Variants in UBAC2 observed in about 807,000 individuals in gnomAD.
The protein encoded by UBAC2 is UBA domain containing 2.
A neutral mutation model predicts 44.0 loss-of-function variants in UBAC2; 26 were observed. The ratio of observed to expected loss-of-function variants is 0.59; its 90% CI spans 0.43 to 0.82. The LOEUF (loss-of-function observed/expected upper bound fraction) is 0.82, where lower values mean the gene tolerates loss of function less well. Ranked by LOEUF, UBAC2 falls within the 40% of genes least tolerant of loss-of-function variation. The probability of loss-of-function intolerance (pLI) is 0.00; values close to 1 mark genes in which losing one functional copy is unlikely to be tolerated. For missense variants in UBAC2, 329 were observed against 419.4 expected, an observed-to-expected ratio of 0.78 and a Z score of 1.88; for synonymous variants, 155 against 154.3, an observed-to-expected ratio of 1.00 and a Z score of -0.04.
rs781773234 is a variant in UBAC2 at position 99,295,337 on chromosome 13, T to A, written c.390-18760T>A. ...CAGGAAATTAGAGAAACGAAGCTTC[T>A]TAATCATATGTTGAATAATTGCAAC... On this transcript the variant is annotated intron_variant, in intron 4 of 8. Transcript: ENST00000403766. This position sits in a 1 kb window ranked among gnomAD's most constrained non-coding sequence, Gnocchi z 4.1. 1.2e-6 allele frequency: 2 copies of A among 1,614,040 alleles called. No homozygotes were observed. The highest frequency in any genetic ancestry group is 1.7e-6 in the Non-Finnish European group (2 of 1,180,018).
At chr13:99,331,632 G>A (rs2044717485) in intron 6 of UBAC2, among the ~76,000 whole-genome samples, 1 of 152,192 alleles carries the variant, frequency 6.6e-6, no homozygotes, top group Non-Finnish European at 1.5e-5. Context: ...AAGTCTCAGA[G>A]TAACTGCCAA....
intron 4 of UBAC2, among the ~76,000 whole-genome samples, chr13:99,250,767 G>T (rs1189642166): frequency 6.6e-6 from 1 of 150,648 alleles, no homozygotes; most frequent in East Asian, 1.9e-4. Flanking sequence ...TTTTTTTTGA[G>T]ACGGAGTCTC....
chr13:99,352,871 C>A (rs533620821), intron 7 of UBAC2, among the ~76,000 whole-genome samples: 2 of 152,342 alleles, frequency 1.3e-5, no homozygotes, highest in African/African-American at 4.8e-5. Flanking sequence ...CGGAAACTCT[C>A]TACCTCCGTC....
chr13:99,357,234 T>G (rs982435769), intron 7 of UBAC2, among the ~76,000 whole-genome samples: 3 of 152,178 alleles, frequency 2.0e-5, no homozygotes, highest in African/African-American at 4.8e-5. Context: ...CCAAGCAGCC[T>G]TGGTGTGTAG....
chr13:99,357,929 A>G (rs1264966479), intron 7 of UBAC2, among the ~76,000 whole-genome samples: 1 of 152,202 alleles, frequency 6.6e-6, no homozygotes, highest in Non-Finnish European at 1.5e-5. Flanking sequence ...GAGTGCTTGC[A>G]TATGCCAGGT....
Position 99,340,306 on chromosome 13 carries a change from C to A in UBAC2, c.562-14C>A. On this transcript the variant is annotated splice_polypyrimidine_tract_variant and intron_variant, in intron 6 of 8. Coordinates refer to ENST00000403766, the MANE Select transcript of UBAC2 (RefSeq NM_001144072.2). The stretch of plus-strand genomic sequence containing the variant: ...ACTACATTTAAACAATCACATTGGA[C>A]GTTTTTCTTCTAGATGTCCGGTCTG... 1 of 1,611,626 alleles carries A rather than the reference C, an allele frequency of 6.2e-7. No individual in the cohort carries two copies. Among genetic ancestry groups the A allele is most frequent in the Non-Finnish European group, 8.5e-7 (1 of 1,178,286 alleles).
In UBAC2 at chr13:99,239,008, G is replaced by T. The variant is rs368169438; in HGVS notation, c.159+454G>T. Among the ~76,000 whole-genome samples the T allele has an allele frequency of 2.0e-5, 3 of 152,194 alleles. No individual in the cohort carries two copies. In the East Asian group the frequency reaches 5.8e-4, roughly 29 times the overall value. ...AGTAAGAAATTTCTCTTGAGTTTCT[G>T]CTGTGGGAAAGAGCAGAAGTGCTTT... On this transcript the variant is annotated intron_variant, in intron 2 of 8. Transcript: ENST00000403766.
Position 99,295,507 on chromosome 13 carries a change from G to A in UBAC2, c.390-18590G>A, listed in dbSNP as rs1200882928. ...TGCAGCAGATCTGAGAATAGCAGATGAGAATGATTATAAGTGGAAGTACAT... is the reference window on the plus strand; with the variant it reads ...TGCAGCAGATCTGAGAATAGCAGATAAGAATGATTATAAGTGGAAGTACAT... On this transcript the variant is annotated intron_variant, in intron 4 of 8. Transcript: ENST00000403766. The surrounding 1 kb of genome is among the most constrained non-coding windows in gnomAD (Gnocchi z 4.1). 2 of 1,613,962 alleles carry A rather than the reference G, an allele frequency of 1.2e-6. No individual in the cohort carries two copies. Among genetic ancestry groups the A allele is most frequent in the East Asian group, 2.2e-5 (1 of 44,878 alleles).
At position 99,333,099 on chromosome 13, in the gene UBAC2, G is replaced by A. The variant is rs572796977; in HGVS notation, c.562-7221G>A. ...CAACATGGTGAAACCCCGTCTCTGG[G>A]GGGGGAAGAAAGAGAGAGATAATGA... On this transcript the variant is annotated intron_variant, in intron 6 of 8. Coordinates refer to ENST00000403766, the MANE Select transcript of UBAC2 (RefSeq NM_001144072.2). Among the ~76,000 whole-genome samples the A allele has an allele frequency of 2.4e-4, 37 of 152,120 alleles. 1 individual carries two copies. In the East Asian group the frequency reaches 5.0e-3, roughly 21 times the overall value.
In UBAC2 at chr13:99,386,127, C is replaced by G. The variant is rs1407321404; in HGVS notation, c.*792C>G. ...GAGAAACGATCCCTTGCCTGCCCCT[C>G]CCTGTGGCAGGGCTAACTGCCTGGC... On this transcript the variant is annotated 3_prime_UTR_variant, in exon 9 of 9. Coordinates refer to ENST00000403766, the MANE Select transcript of UBAC2 (RefSeq NM_001144072.2). The G allele has an allele frequency of 3.9e-5, 6 of 152,280 alleles. No homozygotes were observed. Among genetic ancestry groups the G allele is most frequent in the Non-Finnish European group, 7.3e-5 (5 of 68,092 alleles). The allele number at this position is 152,280 out of a possible 1,614,324, so 9.4% of individuals were successfully genotyped here.
intron 7 of UBAC2, chr13:99,356,208 T>TAA (rs757281675): frequency 3.7e-6 from 2 of 534,468 alleles, no homozygotes; most frequent in Non-Finnish European, 7.7e-6. Context: ...ATGTACTCTG[T>TAA]AGATGTCTTT....
intron 8 of UBAC2, among the ~76,000 whole-genome samples, chr13:99,370,554 G>A (rs568704994): frequency 2.0e-5 from 3 of 152,130 alleles, no homozygotes; most frequent in South Asian, 2.1e-4. Flanking sequence ...CACCATCCAC[G>A]CCATCGCCTC....
chr13:99,333,868 GCTT>G (rs955385683), intron 6 of UBAC2, among the ~76,000 whole-genome samples: 3 of 152,060 alleles, frequency 2.0e-5, no homozygotes, highest in Admixed American at 2.0e-4. Context: ...TAAATTAAGA[GCTT>G]CTACCAAATT....
intron 8 of UBAC2, among the ~76,000 whole-genome samples, chr13:99,378,967 G>A (rs755048166): frequency 5.3e-5 from 8 of 152,204 alleles, no homozygotes; most frequent in Non-Finnish European, 1.2e-4. Context: ...ATGTCAGCTG[G>A]AGGATGAACA....
intron 6 of UBAC2, among the ~76,000 whole-genome samples, chr13:99,329,594 C>T (rs2044686780): frequency 6.6e-6 from 1 of 152,242 alleles, no homozygotes; most frequent in Non-Finnish European, 1.5e-5. Context: ...TCCTGGATCT[C>T]TTGCCCTTGG....
intron 6 of UBAC2, among the ~76,000 whole-genome samples, chr13:99,333,001 C>T (rs1436709004): frequency 3.3e-5 from 5 of 152,298 alleles, no homozygotes; most frequent in Non-Finnish European, 7.3e-5. Flanking sequence ...GTGGCTCACA[C>T]CTGTAACCCC....
At chr13:99,233,550 G>T (rs181484862) in intron 1 of UBAC2, among the ~76,000 whole-genome samples, 1 of 152,144 alleles carries the variant, frequency 6.6e-6, no homozygotes, top group East Asian at 1.9e-4. Flanking sequence ...CAGAGCAGGC[G>T]TTGAGGGCCC....
At chr13:99,287,887 C>T (rs2044040625) in intron 4 of UBAC2, among the ~76,000 whole-genome samples, 1 of 152,130 alleles carries the variant, frequency 6.6e-6, no homozygotes, top group Non-Finnish European at 1.5e-5. Flanking sequence ...CATGAAATGG[C>T]ACTTGCATAT....
intron 7 of UBAC2, among the ~76,000 whole-genome samples, chr13:99,348,313 C>G (rs1240154446): frequency 6.6e-6 from 1 of 152,208 alleles, no homozygotes; most frequent in African/African-American, 2.4e-5. Context: ...CACTAGGTTT[C>G]TACAGGAGTC....
Sources: allele counts gnomAD v4.1 joint callset (sites outside exome capture counted in the v4.1 genomes callset), GRCh38; gene constraint gnomAD v4.1.1; non-coding constraint Gnocchi (gnomAD v3.1); transcripts MANE v1.5; gene names NCBI Gene and HGNC (gene_info 2026-07-23, HGNC 2026-07-21).